The following DLG2 variants were observed in gnomAD, a reference collection of about 807,000 sequenced individuals.
DLG2 encodes discs large MAGUK scaffold protein 2, also known as disks large homolog 2.
A neutral mutation model predicts 132.5 loss-of-function variants in DLG2; 45 were observed. That is an observed-to-expected ratio of 0.34 (90% CI 0.27 to 0.44). The LOEUF (loss-of-function observed/expected upper bound fraction) is 0.44, where lower values mean the gene tolerates loss of function less well. Ranked by LOEUF, DLG2 falls within the 20% of genes least tolerant of loss-of-function variation. DLG2 has a pLI of 1.00. For synonymous variants in DLG2, 424 were observed against 419.6 expected (o/e 1.01, Z -0.13); for missense variants, 1,045 against 1,196.9 (o/e 0.87, Z 1.87).
intron 6 of DLG2, among the ~76,000 whole-genome samples, chr11:84,666,654 A>T (rs906943405): frequency 2.6e-5 from 4 of 152,082 alleles, no homozygotes; most frequent in Non-Finnish European, 5.9e-5. Context: ...ATGTGTGTAT[A>T]CACATATATT....
intron 6 of DLG2, among the ~76,000 whole-genome samples, chr11:84,593,795 A>G (rs1018039883): frequency 4.6e-5 from 7 of 152,224 alleles, no homozygotes; most frequent in Non-Finnish European, 1.0e-4. Context: ...TTAAAGTATT[A>G]TAATTTAAAA....
intron 19 of DLG2, among the ~76,000 whole-genome samples, chr11:83,549,196 G>A (rs913661993): frequency 3.9e-5 from 6 of 152,074 alleles, no homozygotes; most frequent in African/African-American, 1.4e-4. Context: ...AATAAAGTCT[G>A]CTCTCTGCTC....
chr11:84,511,598 C>A (rs1207868565), intron 7 of DLG2, among the ~76,000 whole-genome samples: 1 of 152,128 alleles, frequency 6.6e-6, no homozygotes, highest in Non-Finnish European at 1.5e-5. Flanking sequence ...GAGTACTATA[C>A]TAATTGTCAA....
At chr11:84,036,246 T>A (rs985323069) in intron 11 of DLG2, among the ~76,000 whole-genome samples, 1 of 152,120 alleles carries the variant, frequency 6.6e-6, no homozygotes, top group Non-Finnish European at 1.5e-5. Context: ...TGTAATTTCC[T>A]TATCTAAACT....
chr11:84,975,548 A>G (rs1311170934), intron 6 of DLG2, among the ~76,000 whole-genome samples: 1 of 152,190 alleles, frequency 6.6e-6, no homozygotes, highest in Admixed American at 6.6e-5. Flanking sequence ...AAGGAGAATG[A>G]GTTACAATGA....
intron 3 of DLG2, among the ~76,000 whole-genome samples, chr11:85,302,604 T>G: frequency 6.8e-6 from 1 of 146,462 alleles, no homozygotes; most frequent in African/African-American, 2.5e-5. Context: ...CTTACACAGG[T>G]GGTGATAGGC....
At chr11:84,089,748 T>A (rs1295527783) in intron 10 of DLG2, among the ~76,000 whole-genome samples, 1 of 152,228 alleles carries the variant, frequency 6.6e-6, no homozygotes, top group Non-Finnish European at 1.5e-5. Context: ...TTTTTATATC[T>A]TGTCTGGGAG....
At chr11:84,308,200 G>T (rs2098247935) in intron 7 of DLG2, among the ~76,000 whole-genome samples, 1 of 152,132 alleles carries the variant, frequency 6.6e-6, no homozygotes, top group South Asian at 2.1e-4. Context: ...ACAGGGGGCT[G>T]ATTGGTGCGT....
At chr11:84,920,023 A>G (rs2092684798) in intron 6 of DLG2, among the ~76,000 whole-genome samples, 1 of 152,208 alleles carries the variant, frequency 6.6e-6, no homozygotes, top group Non-Finnish European at 1.5e-5. Flanking sequence ...ATTTAAAACT[A>G]ACAAGAAAAC....
rs377143784 is a variant in DLG2 at position 84,288,755 on chromosome 11, C to T, written c.520-37464G>A. ...CAGTGATATGTAAACTCTTCCAAAG[C>T]ACCATAGTCACAGACAATGGATTCC... On this transcript the variant is annotated intron_variant, in intron 7 of 27. Coordinates refer to ENST00000376104, the MANE Select transcript of DLG2 (RefSeq NM_001142699.3). 4.2e-4 allele frequency among the ~76,000 whole-genome samples: 64 copies of T among 152,220 alleles called. 1 individual carries two copies. In the South Asian group the frequency reaches 0.013, roughly 31 times the overall value.
chr11:83,646,943 C>T (rs1311857434), intron 18 of DLG2: 1 of 152,110 alleles, frequency 6.6e-6, no homozygotes, highest in Non-Finnish European at 1.5e-5. Flanking sequence ...TGATGTTTCC[C>T]TCCATTCTGT....
intron 19 of DLG2, among the ~76,000 whole-genome samples, chr11:83,555,288 T>C (rs2096491463): frequency 6.6e-6 from 1 of 152,246 alleles, no homozygotes; most frequent in African/African-American, 2.4e-5. Context: ...TTATGAAGGA[T>C]ACTTTCTCTT....
At chr11:85,020,826 C>T in intron 6 of DLG2, 1 of 740,110 alleles carries the variant, frequency 1.4e-6, no homozygotes, top group Non-Finnish European at 2.5e-6. Context: ...CCTTGATCAG[C>T]TCCAGCTGGC....
At chr11:84,744,820 G>GAAGCTACT (rs1411065552) in intron 6 of DLG2, among the ~76,000 whole-genome samples, 5 of 150,022 alleles carry the variant, frequency 3.3e-5, no homozygotes, top group Non-Finnish European at 5.9e-5. Flanking sequence ...TTTAGGAAAG[G>GAAGCTACT]AAGCTACTAA....
In DLG2 at chr11:84,810,646, T is replaced by C. The variant is rs188679417; in HGVS notation, c.358-275915A>G. ...GTTAACCTAGAGAAATAAAAACTTA[T>C]GTTCAAATAGTTTTATTCACAATAG... On this transcript the variant is annotated intron_variant, in intron 6 of 27. Transcript: ENST00000376104. Among the ~76,000 whole-genome samples the C allele has an allele frequency of 4.7e-3, 721 of 152,256 alleles. 2 individuals carry two copies. Among genetic ancestry groups the C allele is most frequent in the Non-Finnish European group, 7.9e-3 (538 of 68,008 alleles).
At chr11:84,547,851 C>T (rs891016697) in intron 6 of DLG2, among the ~76,000 whole-genome samples, 2 of 152,254 alleles carry the variant, frequency 1.3e-5, no homozygotes, top group Non-Finnish European at 2.9e-5. Flanking sequence ...AATGGAACTA[C>T]CCCTGGTAGA....
At chr11:84,857,015 T>C (rs2082880419) in intron 6 of DLG2, among the ~76,000 whole-genome samples, 1 of 151,546 alleles carries the variant, frequency 6.6e-6, no homozygotes, top group Non-Finnish European at 1.5e-5. Context: ...ATTCAAAGGC[T>C]GCAAGAAGGT....
intron 6 of DLG2, among the ~76,000 whole-genome samples, chr11:84,860,873 G>A (rs1429546245): frequency 6.6e-6 from 1 of 151,520 alleles, no homozygotes; most frequent in African/African-American, 2.4e-5. Flanking sequence ...GAAAGGAAGG[G>A]GGGAGGGGTG....
intron 8 of DLG2, among the ~76,000 whole-genome samples, chr11:84,228,103 T>G (rs1004995326): frequency 6.6e-6 from 1 of 152,130 alleles, no homozygotes; most frequent in Admixed American, 6.6e-5. Flanking sequence ...CTCATCTGGT[T>G]GCATCACTGA....
Sources: allele counts gnomAD v4.1 joint callset (sites outside exome capture counted in the v4.1 genomes callset), GRCh38; gene constraint gnomAD v4.1.1; transcripts MANE v1.5; gene names NCBI Gene and HGNC (gene_info 2026-07-23, HGNC 2026-07-21).